OVCH2: variants seen among roughly 807,000 people sequenced by gnomAD.
OVCH2 encodes ovochymase-2.
A neutral mutation model predicts 73.7 loss-of-function variants in OVCH2; 88 were observed. That is an observed-to-expected ratio of 1.19 (90% CI 1.01 to 1.43). The LOEUF is 1.43. Ranked by LOEUF, OVCH2 falls within the 40% of genes most tolerant of loss-of-function variation. The pLI is 0.00. For synonymous variants in OVCH2, 265 were observed against 234.5 expected (o/e 1.13, Z -1.19); for missense variants, 706 against 674.5 (o/e 1.05, Z -0.52).
Position 7,691,891 on chromosome 11 carries a change from A to C in OVCH2, c.1507+11T>G. The C allele has an allele frequency of 1.3e-6, 2 of 1,554,226 alleles. No homozygotes were observed. The highest frequency in any genetic ancestry group is 1.7e-6 in the Non-Finnish European group (2 of 1,146,892). ...CAAACCAGAGCGAGCTGAGGCTCAG[A>C]GGACACAAACCTATTTCCTTCTTCC... On this transcript the variant is annotated intron_variant, in intron 13 of 15. Coordinates refer to ENST00000533663, the MANE Select transcript of OVCH2 (RefSeq NM_198185.7).
intron 1 of OVCH2, chr11:7,705,205 C>A (rs1856510214): frequency 1.3e-5 from 2 of 152,338 alleles, no homozygotes; most frequent in East Asian, 3.8e-4. Context: ...GCTTGGAGAT[C>A]ACCTCAACCA....
chr11:7,703,867 A>C (rs539492967), intron 2 of OVCH2, 78 bp from the exon 3 acceptor site: 5 of 1,106,890 alleles, frequency 4.5e-6, no homozygotes, highest in Non-Finnish European at 5.4e-6. Flanking sequence ...GCCTATTCTC[A>C]AAACCAGACT....
At chr11:7,684,857 A>G (rs1037451996), downstream of OVCH2, among the ~76,000 whole-genome samples, 2 of 152,148 alleles carry the variant, frequency 1.3e-5, no homozygotes, top group African/African-American at 4.8e-5. Context: ...CTGGGAAGAC[A>G]ATGAAATCTT....
the OVCH2 span, among the ~76,000 whole-genome samples, chr11:7,680,014 A>T: frequency 6.6e-6 from 1 of 151,922 alleles, no homozygotes; most frequent in South Asian, 2.1e-4. Flanking sequence ...TGGCTGTTCG[A>T]CTGTGTTCTT....
downstream of OVCH2, among the ~76,000 whole-genome samples, chr11:7,688,057 G>A (rs565450574): frequency 6.6e-5 from 10 of 152,094 alleles, no homozygotes; most frequent in Non-Finnish European, 1.3e-4. Flanking sequence ...TGGTGGGAGC[G>A]CAAACATTCA....
At position 7,702,241 on chromosome 11, in the gene OVCH2, C is replaced by T. The variant is rs368499222; in HGVS notation, c.379G>A (p.Val127Ile). ...GTGGAGAAATGTGGATGTATGATGA[C>T]AGTTTCAATAGTGAGAGTTTGCTCT... ...PGEQTLTIETVIIHPHFSTKK... is the reference protein window; with the variant it reads ...PGEQTLTIETIIIHPHFSTKK... Residue 127 changes from valine (V) to isoleucine (I), a missense_variant, in exon 4 of 16, where the codon GTC (valine) becomes ATC (isoleucine). Val to Ile is a conservative substitution (Grantham distance 29). Coordinates refer to ENST00000533663, the MANE Select transcript of OVCH2 (RefSeq NM_198185.7). 13 of 1,612,740 alleles carry T rather than the reference C, an allele frequency of 8.1e-6. No individual in the cohort carries two copies. Among genetic ancestry groups the T allele is most frequent in the Non-Finnish European group, 1.1e-5 (13 of 1,179,250 alleles).
chr11:7,693,866 T>C (rs550856654), intron 12 of OVCH2, among the ~76,000 whole-genome samples: 2 of 152,362 alleles, frequency 1.3e-5, no homozygotes, highest in East Asian at 1.9e-4. Context: ...ATTCTCCCTT[T>C]TTTATGGAGG....
the OVCH2 span, among the ~76,000 whole-genome samples, chr11:7,679,106 G>T: frequency 1.3e-5 from 2 of 152,260 alleles, no homozygotes; most frequent in Non-Finnish European, 2.9e-5. Context: ...AATTGGGGTA[G>T]ACTGAATAAT....
downstream of OVCH2, among the ~76,000 whole-genome samples, chr11:7,687,219 A>G (rs970812276): frequency 2.0e-5 from 3 of 152,080 alleles, no homozygotes; most frequent in Admixed American, 2.0e-4. Flanking sequence ...TCCACCATGT[A>G]GCTTAAAAGG....
intron 14 of OVCH2, among the ~76,000 whole-genome samples, chr11:7,690,985 C>A (rs1393928497): frequency 6.6e-6 from 1 of 152,108 alleles, no homozygotes; most frequent in Non-Finnish European, 1.5e-5. Context: ...TGTAATGAAC[C>A]AGCAATATAT....
At chr11:7,705,849 G>T (rs1011582541) in intron 1 of OVCH2, among the ~76,000 whole-genome samples, 5 of 152,128 alleles carry the variant, frequency 3.3e-5, no homozygotes, top group Non-Finnish European at 7.4e-5. Context: ...AATCTTCCAA[G>T]AACTGTTTTC....
chr11:7,685,206 G>A (rs1459286998), downstream of OVCH2, among the ~76,000 whole-genome samples: 2 of 152,142 alleles, frequency 1.3e-5, no homozygotes, highest in African/African-American at 2.4e-5. Flanking sequence ...GCTGGAGGCT[G>A]AGCAGGGACA....
At chr11:7,687,545 T>A (rs538512194), downstream of OVCH2, among the ~76,000 whole-genome samples, 1 of 152,084 alleles carries the variant, frequency 6.6e-6, no homozygotes, top group Non-Finnish European at 1.5e-5. Context: ...AGGGAGCCTC[T>A]TTCTCACCTC....
At position 7,703,731 on chromosome 11, in the gene OVCH2, C is replaced by G. The variant is rs753875594; in HGVS notation, c.257G>C (p.Trp86Ser). Residue 86 changes from tryptophan to serine, a missense_variant, in exon 3 of 16, where the codon TGG becomes TCG. Coordinates refer to ENST00000533663, the MANE Select transcript of OVCH2 (RefSeq NM_198185.7). ...ICGGSIVSPQ[W>S]VITAAHCIAN... is the part of the protein sequence containing the mutation. ...AATGCAGTGAGCCGCCGTGATCACCCACTGTGGTGAGACGATGCTTCCTCC... is the reference window on the plus strand; with the variant it reads ...AATGCAGTGAGCCGCCGTGATCACCGACTGTGGTGAGACGATGCTTCCTCC... 1.2e-6 allele frequency: 2 copies of G among 1,610,534 alleles called. No homozygotes were observed. Among genetic ancestry groups the G allele is most frequent in the Non-Finnish European group, 1.7e-6 (2 of 1,178,468 alleles).
chr11:7,684,419 A>C, the OVCH2 span, among the ~76,000 whole-genome samples: 1 of 151,806 alleles, frequency 6.6e-6, no homozygotes, highest in African/African-American at 2.4e-5. Context: ...CTGGACCCTG[A>C]AAAGCACCTT....
intron 12 of OVCH2, among the ~76,000 whole-genome samples, chr11:7,693,107 G>T (rs1480659426): frequency 6.6e-6 from 1 of 152,062 alleles, no homozygotes; most frequent in Non-Finnish European, 1.5e-5. Flanking sequence ...GTGAGCACTA[G>T]CCAATTGAAT....
At chr11:7,704,815 T>C (rs1856504059) in intron 1 of OVCH2, 141 bp from the exon 2 acceptor site, 1 of 600,542 alleles carries the variant, frequency 1.7e-6, no homozygotes, top group Non-Finnish European at 3.0e-6. Flanking sequence ...TAAATCTTTA[T>C]TGGATTTAAT....
chr11:7,692,309 CACTCA>C (rs1226061308), intron 12 of OVCH2, among the ~76,000 whole-genome samples: 18 of 152,146 alleles, frequency 1.2e-4, no homozygotes. Context: ...AGCAACTAGG[CACTCA>C]ACTCAACTAA....
chr11:7,691,660 T>C (rs1856223573), intron 13 of OVCH2, among the ~76,000 whole-genome samples: 1 of 152,178 alleles, frequency 6.6e-6, no homozygotes. Context: ...AATGGAACTT[T>C]CCCTTTCTGA....
Sources: allele counts gnomAD v4.1 joint callset (sites outside exome capture counted in the v4.1 genomes callset), GRCh38; gene constraint gnomAD v4.1.1; transcripts MANE v1.5; gene names NCBI Gene and HGNC (gene_info 2026-07-23, HGNC 2026-07-21).